The following VAV2 variants were observed in gnomAD, a reference collection of about 807,000 sequenced individuals.
VAV2 encodes guanine nucleotide exchange factor VAV2.
A neutral mutation model predicts 132.5 loss-of-function variants in VAV2; 67 were observed. The observed-to-expected ratio is 0.51, with a 90% CI of 0.42 to 0.62. The LOEUF (loss-of-function observed/expected upper bound fraction) is 0.62. Ranked by LOEUF, VAV2 falls within the 20% of genes least tolerant of loss-of-function variation. The pLI is 0.00. For missense variants in VAV2, 938 were observed against 1,153.6 expected (o/e 0.81, Z 2.71); for synonymous variants, 492 against 443.5 (o/e 1.11, Z -1.37).
In VAV2 at chr9:133,833,495, G is replaced by A. The variant is rs1470275853; in HGVS notation, c.449+777C>T. Among the ~76,000 whole-genome samples the A allele has an allele frequency of 6.6e-6, 1 of 152,164 alleles. No individual in the cohort carries two copies. The highest frequency in any genetic ancestry group is 6.5e-5 in the Admixed American group (1 of 15,286). ...AGGCCCCCAGGCAGCAAGGATGCCC[G>A]AAGGCACCATCTCCCGGTGGCCTGG... On this transcript the variant is annotated intron_variant, in intron 4 of 29. Coordinates refer to ENST00000371850, the MANE Select transcript of VAV2 (RefSeq NM_001134398.2). This position sits in a 1 kb window ranked among gnomAD's most constrained non-coding sequence, Gnocchi z 5.6.
At chr9:133,933,558 GTGGA>G (rs1377693827) in intron 2 of VAV2, among the ~76,000 whole-genome samples, 1 of 150,202 alleles carries the variant, frequency 6.7e-6, no homozygotes, top group African/African-American at 2.5e-5. Context: ...TGGATGGATG[GTGGA>G]TGGATGGATG....
intron 2 of VAV2, among the ~76,000 whole-genome samples, chr9:133,914,791 A>AAG (rs1840011046): frequency 1.9e-5 from 1 of 52,480 alleles, no homozygotes; most frequent in Non-Finnish European, 3.6e-5. Flanking sequence ...AGGGGAGAGG[A>AAG]GGAGGAGAGG....
At chr9:133,913,781 G>A (rs936379369) in intron 2 of VAV2, among the ~76,000 whole-genome samples, 3 of 152,240 alleles carry the variant, frequency 2.0e-5, no homozygotes, top group Non-Finnish European at 4.4e-5. Flanking sequence ...GAGCCTCGGG[G>A]CCGGCTGTAC....
At chr9:133,827,636 G>C (rs1319825300) in intron 4 of VAV2, among the ~76,000 whole-genome samples, 216 of 3,360 alleles carry the variant, frequency 0.064, 13 homozygotes, top group East Asian at 0.17. Flanking sequence ...CCACTGAGTG[G>C]GGGCATCACC....
chr9:133,929,331 G>A (rs182241195), intron 2 of VAV2, among the ~76,000 whole-genome samples: 7 of 152,248 alleles, frequency 4.6e-5, no homozygotes, highest in East Asian at 3.9e-4. Flanking sequence ...GGCAACAACC[G>A]GGGAGCAGAT....
chr9:133,978,016 C>A (rs1184672690), intron 1 of VAV2, among the ~76,000 whole-genome samples: 2 of 149,564 alleles, frequency 1.3e-5, no homozygotes, highest in African/African-American at 2.5e-5. Context: ...ACGCCCCCTG[C>A]CTCTGGAGAT....
Position 133,816,444 on chromosome 9 carries a change from T to G in VAV2, c.450-4228A>C, listed in dbSNP as rs556629499. On this transcript the variant is annotated intron_variant, in intron 4 of 29. Transcript: ENST00000371850. ...CACAATATATTTTCTTATCGGAACT[T>G]CATAGTTTTAGCCACTCTGTTTAGG... is the stretch of plus-strand genomic sequence containing the variant. 6.0e-4 allele frequency among the ~76,000 whole-genome samples: 92 copies of G among 152,266 alleles called. 1 individual carries two copies. The highest frequency in any genetic ancestry group is 2.0e-3 in the African/African-American group (83 of 41,476).
At chr9:133,859,874 T>C (rs756952697) in intron 3 of VAV2, among the ~76,000 whole-genome samples, 3 of 152,244 alleles carry the variant, frequency 2.0e-5, no homozygotes, top group Admixed American at 2.0e-4. Context: ...GCGGAGGGAC[T>C]GGTGGGGCCT....
intron 13 of VAV2, among the ~76,000 whole-genome samples, chr9:133,791,221 G>A (rs1834445603): frequency 6.6e-6 from 1 of 152,178 alleles, no homozygotes; most frequent in Non-Finnish European, 1.5e-5. Context: ...AGGACGAGGT[G>A]ACTGACTCGG....
intron 2 of VAV2, among the ~76,000 whole-genome samples, chr9:133,933,658 T>C (rs891199448): frequency 7.2e-6 from 1 of 139,496 alleles, no homozygotes; most frequent in Non-Finnish European, 1.5e-5. Context: ...GACGGATGGG[T>C]GGATGGGTGG....
chr9:133,832,241 G>A (rs1455486245), intron 4 of VAV2, among the ~76,000 whole-genome samples: 2 of 152,232 alleles, frequency 1.3e-5, no homozygotes, highest in African/African-American at 2.4e-5. Flanking sequence ...CTGAGGGGGC[G>A]CTGGCCAGGA....
rs769223953 is a variant in VAV2 at position 133,804,920 on chromosome 9, G to A, written c.836+1161C>T. ...GACCACAAGCACTGCCTGCTCCCTCGTGTCTCCGGGAACCCTCCAAGCCAT... is the reference window on the plus strand; with the variant it reads ...GACCACAAGCACTGCCTGCTCCCTCATGTCTCCGGGAACCCTCCAAGCCAT... On this transcript the variant is annotated intron_variant, in intron 9 of 29. Coordinates refer to ENST00000371850, the MANE Select transcript of VAV2 (RefSeq NM_001134398.2). This position sits in a 1 kb window ranked among gnomAD's most constrained non-coding sequence, Gnocchi z 4.5. Among the ~76,000 whole-genome samples the A allele has an allele frequency of 6.6e-6, 1 of 152,144 alleles. No homozygotes were observed. The highest frequency in any genetic ancestry group is 1.5e-5 in the Non-Finnish European group (1 of 68,018).
chr9:133,841,413 C>T (rs1162481087), intron 3 of VAV2, among the ~76,000 whole-genome samples: 1 of 151,948 alleles, frequency 6.6e-6, no homozygotes, highest in East Asian at 1.9e-4. Flanking sequence ...ATGCAGAGCT[C>T]GTGGCCACTC....
chr9:133,972,928 C>A (rs1456812674), intron 1 of VAV2, among the ~76,000 whole-genome samples: 1 of 152,176 alleles, frequency 6.6e-6, no homozygotes, highest in Non-Finnish European at 1.5e-5. Flanking sequence ...GGGTGTCTCA[C>A]AAGTCCATGG....
In VAV2 at chr9:133,769,400, C is replaced by G; in HGVS notation, c.2434+17G>C. The G allele has an allele frequency of 6.2e-7, 1 of 1,605,308 alleles. No individual in the cohort carries two copies. The highest frequency in any genetic ancestry group is 1.1e-5 in the South Asian group (1 of 89,176). On this transcript the variant is annotated intron_variant, in intron 28 of 29. Transcript: ENST00000371850. The surrounding 1 kb of genome is among the most constrained non-coding windows in gnomAD (Gnocchi z 8.1). ...GCCACAGGCCCGGTCCCCCCACGCC[C>G]TGGGGAGCAGCGGTACCTGACCAGA... is the stretch of plus-strand genomic sequence containing the variant.
chr9:133,985,442 C>A (rs1488006489), intron 1 of VAV2, among the ~76,000 whole-genome samples: 1 of 152,102 alleles, frequency 6.6e-6, no homozygotes, highest in Non-Finnish European at 1.5e-5. Flanking sequence ...CCACCACCCC[C>A]GGCTAATTTT....
chr9:133,783,995 A>T (rs998435581), intron 18 of VAV2, among the ~76,000 whole-genome samples: 1 of 150,354 alleles, frequency 6.7e-6, no homozygotes, highest in African/African-American at 2.5e-5. Flanking sequence ...ATTCTCCCAC[A>T]TCAGCCTCCC....
chr9:133,965,833 T>G (rs1443712191), intron 1 of VAV2, among the ~76,000 whole-genome samples: 1 of 152,072 alleles, frequency 6.6e-6, no homozygotes, highest in Non-Finnish European at 1.5e-5. Context: ...AAAGCAATCC[T>G]GAACAAAAAC....
chr9:133,779,880 A>T, intron 21 of VAV2, 38 bp downstream of exon 21: 1 of 1,606,162 alleles, frequency 6.2e-7, no homozygotes, highest in South Asian at 1.1e-5. Flanking sequence ...GATGGCTGAC[A>T]TGGGTGATAG....
Sources: gnomAD v4.1 joint callset for allele counts (sites outside exome capture counted in the v4.1 genomes callset) on GRCh38, gnomAD v4.1.1 for gene constraint, Gnocchi (gnomAD v3.1) non-coding constraint, MANE v1.5 for transcripts, NCBI Gene and HGNC (gene_info 2026-07-23, HGNC 2026-07-21) for gene names.